Variants in RNFT2 observed in about 807,000 individuals in gnomAD.
RNFT2 encodes E3 ubiquitin-protein ligase RNFT2.
Under a neutral mutation model 53.0 loss-of-function variants are expected in RNFT2, and 36 were observed. That is an observed-to-expected ratio of 0.68 (90% CI 0.52 to 0.90). RNFT2 has a LOEUF of 0.90. RNFT2 is among the 40% of genes least tolerant of loss of function. The probability of loss-of-function intolerance (pLI) is 0.00; values close to 1 mark genes in which losing one functional copy is unlikely to be tolerated. For synonymous variants in RNFT2, 260 were observed against 253.2 expected (o/e 1.03, Z -0.26); for missense variants, 514 against 585.6 (o/e 0.88, Z 1.26).
intron 10 of RNFT2, among the ~76,000 whole-genome samples, chr12:116,841,023 A>G (rs751803131): frequency 2.0e-4 from 31 of 152,188 alleles, no homozygotes; most frequent in Non-Finnish European, 4.3e-4. Flanking sequence ...CAGATTCCCT[A>G]TAATGAGTAA....
At chr12:116,826,620 G>A (rs902715451) in intron 7 of RNFT2, among the ~76,000 whole-genome samples, 1 of 152,188 alleles carries the variant, frequency 6.6e-6, no homozygotes, top group African/African-American at 2.4e-5. Context: ...TACCTTTAAC[G>A]GGGTGCCACA....
At chr12:116,800,565 G>A (rs1007960641) in intron 7 of RNFT2, among the ~76,000 whole-genome samples, 3 of 151,834 alleles carry the variant, frequency 2.0e-5, no homozygotes, top group Admixed American at 1.3e-4. Flanking sequence ...CCCAAGAGGC[G>A]GGAGGTTGCA....
At chr12:116,755,088 A>G (rs749725036) in intron 5 of RNFT2, among the ~76,000 whole-genome samples, 3 of 152,126 alleles carry the variant, frequency 2.0e-5, no homozygotes, top group Non-Finnish European at 2.9e-5. Flanking sequence ...GGGTTTTTCC[A>G]ATGTTATCTT....
chr12:116,829,732 A>T (rs971360610), intron 7 of RNFT2, among the ~76,000 whole-genome samples: 3 of 152,122 alleles, frequency 2.0e-5, no homozygotes, highest in African/African-American at 7.2e-5. Flanking sequence ...GGCACGTGCC[A>T]CCATACCCGG....
At chr12:116,834,182 A>G (rs1876840165) in intron 8 of RNFT2, among the ~76,000 whole-genome samples, 1 of 152,078 alleles carries the variant, frequency 6.6e-6, no homozygotes, top group African/African-American at 2.4e-5. Flanking sequence ...TCGGTAGCGC[A>G]GTCTCGGCTC....
chr12:116,809,962 A>G (rs898113083), intron 7 of RNFT2, among the ~76,000 whole-genome samples: 1 of 152,190 alleles, frequency 6.6e-6, no homozygotes, highest in Non-Finnish European at 1.5e-5. Context: ...GACGTGAGCC[A>G]CCGTGCCTAG....
intron 10 of RNFT2, among the ~76,000 whole-genome samples, chr12:116,843,854 A>G (rs1391320253): frequency 1.3e-5 from 2 of 152,140 alleles, no homozygotes; most frequent in African/African-American, 2.4e-5. Flanking sequence ...GTCATTTGTC[A>G]TCTGCATTCC....
intron 7 of RNFT2, among the ~76,000 whole-genome samples, chr12:116,827,496 G>A (rs918108248): frequency 4.0e-5 from 6 of 151,898 alleles, no homozygotes; most frequent in African/African-American, 1.5e-4. Flanking sequence ...CTGGGGATGT[G>A]TTAGAATCCC....
intron 10 of RNFT2, among the ~76,000 whole-genome samples, chr12:116,846,437 A>ATTTTTTTTTTTTTTTTTTTTTTTTTT (rs35922781): frequency 2.9e-5 from 3 of 104,398 alleles, no homozygotes; most frequent in African/African-American, 3.8e-5. Context: ...TGCCCAGCTA[A>ATTTTTTTTTTTTTTTTTTTTTTTTTT]TTTTTTTTTT....
chr12:116,810,972 G>T (rs1177697011), intron 7 of RNFT2, among the ~76,000 whole-genome samples: 1 of 152,220 alleles, frequency 6.6e-6, no homozygotes, highest in African/African-American at 2.4e-5. Context: ...TTCCAGAGTG[G>T]ATTGGAAAGA....
At position 116,750,181 on chromosome 12, in the gene RNFT2, G is replaced by C. The variant is rs1039409069; in HGVS notation, c.424G>C (p.Gly142Arg). 2.5e-6 allele frequency: 4 copies of C among 1,597,922 alleles called. No individual in the cohort carries two copies. The highest frequency in any genetic ancestry group is 1.7e-5 in the Admixed American group (1 of 58,940). The change falls in exon 4 of 11, where the codon GGC (glycine) becomes CGC (arginine). Residue 142 changes from glycine (G) to arginine (R), a missense_variant. This residue lies in a region of RNFT2 where 237 missense variants were observed against 235.1 expected (regional missense o/e 1.01). Transcript: ENST00000257575. ...GDHRGHSEEG[G>R]DEQPGTPAPA... Reference sequence around the variant, plus strand: ...CCACCGGGGGCACTCGGAGGAGGGAGGCGACGAGCAGCCTGGGACGCCCGC... The same window carrying C: ...CCACCGGGGGCACTCGGAGGAGGGACGCGACGAGCAGCCTGGGACGCCCGC...
At chr12:116,755,961 A>G (rs1872491266) in intron 5 of RNFT2, 1 of 809,046 alleles carries the variant, frequency 1.2e-6, no homozygotes, top group South Asian at 1.4e-5. Context: ...TGTTTTGGTG[A>G]CTATGGCCTT....
intron 7 of RNFT2, among the ~76,000 whole-genome samples, chr12:116,810,135 G>A (rs1875299086): frequency 1.3e-5 from 2 of 152,212 alleles, no homozygotes; most frequent in African/African-American, 4.8e-5. Context: ...CAGACCAGGA[G>A]TTTCACGCTG....
chr12:116,809,305 G>A (rs1175096223), intron 7 of RNFT2, among the ~76,000 whole-genome samples: 3 of 152,168 alleles, frequency 2.0e-5, no homozygotes, highest in Non-Finnish European at 2.9e-5. Context: ...GGTGGTTCAG[G>A]TGCTGACAGG....
chr12:116,750,908 A>ATATATATATTT (rs869162316), intron 4 of RNFT2, among the ~76,000 whole-genome samples: 3 of 70,016 alleles, frequency 4.3e-5, no homozygotes, highest in Non-Finnish European at 5.9e-5. Flanking sequence ...ATATATATAT[A>ATATATATATTT]TTTTTTTTTG....
rs1877986872 is a variant in RNFT2, at chr12:116,852,695, G to C, written c.*3247G>C. 3 of 1,613,908 alleles carry C rather than the reference G, an allele frequency of 1.9e-6. No homozygotes were observed. The highest frequency in any genetic ancestry group is 2.7e-5 in the African/African-American group (2 of 74,942). ...GAAATTGGAGCTGGAGAAGATTGATGAAAGTGCAGGTGTGTAAGGAAATAG... is the reference window on the plus strand; with the variant it reads ...GAAATTGGAGCTGGAGAAGATTGATCAAAGTGCAGGTGTGTAAGGAAATAG... On this transcript the variant is annotated 3_prime_UTR_variant, in exon 11 of 11. Transcript: ENST00000257575.
intron 7 of RNFT2, among the ~76,000 whole-genome samples, chr12:116,811,029 A>G (rs1875347327): frequency 6.6e-6 from 1 of 152,158 alleles, no homozygotes; most frequent in Non-Finnish European, 1.5e-5. Context: ...TTTTGGTTCC[A>G]CCATTTCCAT....
At chr12:116,784,198 A>C (rs944399272) in intron 7 of RNFT2, among the ~76,000 whole-genome samples, 1 of 152,218 alleles carries the variant, frequency 6.6e-6, no homozygotes, top group African/African-American at 2.4e-5. Context: ...CACTTCTGTA[A>C]GTAGACTCAG....
At position 116,851,743 on chromosome 12, in the gene RNFT2, T is replaced by TAA; in HGVS notation, c.*2305_*2306dup. On this transcript the variant is annotated 3_prime_UTR_variant, in exon 11 of 11. Transcript: ENST00000257575. ...GTGACAGAGTGAGTGAGACTCTGTC[T>TAA]AAAAAAAAAAAGAAAGAAAGAAGGG... The TAA allele has an allele frequency of 2.1e-5, 12 of 572,006 alleles. No individual in the cohort carries two copies. Among genetic ancestry groups the TAA allele is most frequent in the South Asian group, 3.8e-5 (2 of 53,008 alleles). 35.4% of individuals were successfully genotyped at this position (572,006 alleles called of 1,614,324 possible).
Sources: allele counts gnomAD v4.1 joint callset (sites outside exome capture counted in the v4.1 genomes callset), GRCh38; gene constraint gnomAD v4.1.1; regional missense constraint gnomAD v4.1.1; transcripts MANE v1.5; gene names NCBI Gene and HGNC (gene_info 2026-07-23, HGNC 2026-07-21).